Variants in KCTD3 observed in about 807,000 individuals in gnomAD.
KCTD3 encodes the protein BTB/POZ domain-containing protein KCTD3.
KCTD3 carries 41 observed loss-of-function variants against 85.8 expected under a neutral mutation model. That is an observed-to-expected ratio of 0.48 (90% CI 0.37 to 0.62). KCTD3 has a LOEUF of 0.62. KCTD3 is among the 20% of genes least tolerant of loss of function. The pLI, the probability that KCTD3 is intolerant of heterozygous loss-of-function variation, is 0.00. For missense variants in KCTD3, 724 were observed against 989.9 expected (o/e 0.73, Z 3.60); for synonymous variants, 338 against 345.4 (o/e 0.98, Z 0.24).
intron 17 of KCTD3, among the ~76,000 whole-genome samples, 185 bp from the exon 18 acceptor site, chr1:215,619,872 T>G (rs992362417): frequency 2.0e-5 from 3 of 152,330 alleles, no homozygotes; most frequent in African/African-American, 7.2e-5. Flanking sequence ...ATTATTTGCA[T>G]TGGTAATTTT....
rs564974362 is a variant in KCTD3, at chr1:215,608,542, G to A, written c.1465+370G>A. Reference sequence around the variant, plus strand: ...AAATAAAATTTGAAGCTAGAAAAACGTTGGTCCCTATAAATGAGAGTCATT... The same window carrying A: ...AAATAAAATTTGAAGCTAGAAAAACATTGGTCCCTATAAATGAGAGTCATT... On this transcript the variant is annotated intron_variant, in intron 14 of 17. Transcript: ENST00000259154. Among the ~76,000 whole-genome samples the A allele has an allele frequency of 2.0e-5, 3 of 151,942 alleles. 1 individual carries two copies. Among genetic ancestry groups the A allele is most frequent in the East Asian group, 3.9e-4 (2 of 5,174 alleles).
At chr1:215,574,727 T>C (rs1659506180) in intron 3 of KCTD3, among the ~76,000 whole-genome samples, 1 of 152,240 alleles carries the variant, frequency 6.6e-6, no homozygotes. Flanking sequence ...AAATCTGTGA[T>C]GTCTCTTCGA....
chr1:215,617,531 C>G (rs962654422), intron 15 of KCTD3, among the ~76,000 whole-genome samples: 2 of 151,630 alleles, frequency 1.3e-5, no homozygotes, highest in African/African-American at 4.8e-5. Flanking sequence ...TTTTTTTTGC[C>G]AAGGAGTGAA....
At chr1:215,569,889 C>A (rs1017308389) in intron 1 of KCTD3, among the ~76,000 whole-genome samples, 5 of 152,064 alleles carry the variant, frequency 3.3e-5, no homozygotes, top group Non-Finnish European at 5.9e-5. Flanking sequence ...TAAAAAACTT[C>A]AGAAAATTGT....
chr1:215,575,852 T>A (rs780369998), intron 3 of KCTD3, 49 bp from the exon 4 acceptor site: 2 of 1,055,614 alleles, frequency 1.9e-6, no homozygotes, highest in Non-Finnish European at 2.8e-6. Flanking sequence ...ATATTAAAGT[T>A]AAAAGATTAA....
intron 10 of KCTD3, among the ~76,000 whole-genome samples, chr1:215,598,611 T>C (rs780356706): frequency 3.9e-5 from 6 of 151,972 alleles, no homozygotes; most frequent in Non-Finnish European, 8.8e-5. Flanking sequence ...TTGGAAATAA[T>C]GGAACAATTA....
intron 8 of KCTD3, 66 bp downstream of exon 8, chr1:215,580,065 AT>A: frequency 9.4e-7 from 1 of 1,063,460 alleles, no homozygotes; most frequent in Non-Finnish European, 1.4e-6. Flanking sequence ...GTGATTTTAT[AT>A]TTTTAGATTG....
At chr1:215,615,915 G>A (rs1039715658) in intron 15 of KCTD3, among the ~76,000 whole-genome samples, 74 of 152,280 alleles carry the variant, frequency 4.9e-4, no homozygotes, top group African/African-American at 1.7e-3. Context: ...GACTGAGTAG[G>A]GAACTCCAGT....
chr1:215,584,088 G>T (rs1397457814), intron 8 of KCTD3, among the ~76,000 whole-genome samples: 1 of 152,144 alleles, frequency 6.6e-6, no homozygotes, highest in Non-Finnish European at 1.5e-5. Context: ...TCCAATACAT[G>T]CCCACAATTA....
chr1:215,573,835 T>C lies in KCTD3; in HGVS notation c.133T>C (p.Ser45Pro). Residue 45 changes from serine to proline, a missense_variant, in exon 2 of 18, where the codon TCC becomes CCC. Physicochemically the swap from Ser to Pro is moderately conservative, Grantham distance 74 (BLOSUM62 -1). Transcript: ENST00000259154. ...TLMWIPDSFF[S>P]SLLSGRISTL... is the part of the protein sequence containing the mutation. ...TATGTGGATTCCAGATTCTTTTTTT[T>C]CCAGGTATGTCTTATAATTCTTTAG... 6.5e-7 allele frequency: 1 copy of C among 1,543,224 alleles called. No individual in the cohort carries two copies. Among genetic ancestry groups the C allele is most frequent in the Non-Finnish European group, 8.9e-7 (1 of 1,121,674 alleles).
At chr1:215,617,688 C>T (rs1021747703) in intron 15 of KCTD3, among the ~76,000 whole-genome samples, 1 of 151,200 alleles carries the variant, frequency 6.6e-6, no homozygotes, top group Non-Finnish European at 1.5e-5. Flanking sequence ...GTTTTATCCT[C>T]CCTGTACCAG....
intron 7 of KCTD3, 125 bp downstream of exon 7, chr1:215,579,262 T>A: frequency 1.5e-6 from 1 of 683,362 alleles, no homozygotes; most frequent in Non-Finnish European, 2.4e-6. Context: ...ATCATTTATA[T>A]CTTGGAAAGG....
rs1445049119 is a variant in KCTD3, at chr1:215,575,979, G to C, written c.257+5G>C. On this transcript the variant is annotated splice_donor_5th_base_variant and intron_variant, in intron 4 of 17. Transcript: ENST00000259154. Reference sequence around the variant, plus strand: ...GACAAAAGAACTAGACTTAAGGTAAGAAATGCACTCTTTTTAAAGTAAATT... The same window carrying C: ...GACAAAAGAACTAGACTTAAGGTAACAAATGCACTCTTTTTAAAGTAAATT... 3 of 1,395,646 alleles carry C rather than the reference G, an allele frequency of 2.1e-6. No homozygotes were observed. In the South Asian group the frequency reaches 3.8e-5, roughly 17 times the overall value. 86.5% of individuals were successfully genotyped at this position (1,395,646 alleles called of 1,614,324 possible).
intron 15 of KCTD3, among the ~76,000 whole-genome samples, chr1:215,617,699 G>A (rs964399298): frequency 6.6e-6 from 1 of 150,968 alleles, no homozygotes; most frequent in Non-Finnish European, 1.5e-5. Context: ...CCTGTACCAG[G>A]ACAGGAGAGT....
At chr1:215,569,943 G>T (rs1483268486) in intron 1 of KCTD3, among the ~76,000 whole-genome samples, 1 of 152,096 alleles carries the variant, frequency 6.6e-6, no homozygotes, top group Admixed American at 6.5e-5. Flanking sequence ...GGTATGGCCC[G>T]TAGAAAACAA....
intron 10 of KCTD3, among the ~76,000 whole-genome samples, chr1:215,597,207 ACT>A (rs1216929863): frequency 6.7e-6 from 1 of 150,124 alleles, no homozygotes; most frequent in Admixed American, 6.6e-5. Context: ...AAAAGCGTTG[ACT>A]CTGATTTGGG....
intron 13 of KCTD3, among the ~76,000 whole-genome samples, chr1:215,604,868 T>G (rs1654954973): frequency 6.6e-6 from 1 of 151,868 alleles, no homozygotes; most frequent in Non-Finnish European, 1.5e-5. Context: ...ATTGTAGAGA[T>G]TATTTGAAGA....
Position 215,602,074 on chromosome 1 carries a change from T to G in KCTD3, c.1022-11T>G. ...TTTATTTTAATGCTGTTTAAAATTT[T>G]TATGTTTTAGATATGCAGAAGTTCC... On this transcript the variant is annotated splice_polypyrimidine_tract_variant and intron_variant, in intron 11 of 17. Coordinates refer to ENST00000259154, the MANE Select transcript of KCTD3 (RefSeq NM_016121.5). The G allele has an allele frequency of 6.5e-7, 1 of 1,531,832 alleles. No individual in the cohort carries two copies. The highest frequency in any genetic ancestry group is 9.0e-7 in the Non-Finnish European group (1 of 1,113,076). The allele number at this position is 1,531,832 out of a possible 1,614,324, so 94.9% of individuals were successfully genotyped here.
At chr1:215,612,256 T>G (rs1571899355) in intron 15 of KCTD3, among the ~76,000 whole-genome samples, 1 of 152,304 alleles carries the variant, frequency 6.6e-6, no homozygotes, top group African/African-American at 2.4e-5. Context: ...CTTAAATATT[T>G]TCCATCCCAT....
Sources: gnomAD v4.1 joint callset for allele counts (sites outside exome capture counted in the v4.1 genomes callset) on GRCh38, gnomAD v4.1.1 for gene constraint, MANE v1.5 for transcripts, NCBI Gene and HGNC (gene_info 2026-07-23, HGNC 2026-07-21) for gene names.